PAMR1: variants seen among roughly 807,000 people sequenced by gnomAD.
PAMR1 encodes inactive serine protease PAMR1.
A neutral mutation model predicts 81.8 loss-of-function variants in PAMR1; 88 were observed. The ratio of observed to expected loss-of-function variants is 1.08; its 90% CI spans 0.91 to 1.28. The LOEUF is 1.28. Ranked by LOEUF, PAMR1 falls within the 50% of genes most tolerant of loss-of-function variation. PAMR1 has a pLI of 0.00. For missense variants in PAMR1, 935 were observed against 919.7 expected, an observed-to-expected ratio of 1.02 and a Z score of -0.21; for synonymous variants, 336 against 345.3, an observed-to-expected ratio of 0.97 and a Z score of 0.30.
chr11:35,468,018 C>T lies in PAMR1; in HGVS notation c.803G>A (p.Gly268Glu). ...YKCACLAGYT[G>E]QRCENLLEER... ...ATACTCACGATTTTCACAGCGCTGC[C>T]CAGTATAGCCTGCCAAGCAGGCACA... Residue 268 changes from glycine to glutamate, a missense_variant, in exon 6 of 11, where the codon GGG (glycine) becomes GAG (glutamate). Coordinates refer to ENST00000619888, the MANE Select transcript of PAMR1 (RefSeq NM_001001991.3). 6.4e-7 allele frequency: 1 copy of T among 1,559,936 alleles called. No homozygotes were observed.
chr11:35,498,771 C>A (rs1850774913), intron 1 of PAMR1, among the ~76,000 whole-genome samples: 1 of 152,204 alleles, frequency 6.6e-6, no homozygotes, highest in Non-Finnish European at 1.5e-5. Flanking sequence ...TGGGACTCCA[C>A]ATTTGCTTCT....
At chr11:35,519,070 G>A (rs1410234402) in intron 1 of PAMR1, among the ~76,000 whole-genome samples, 3 of 152,174 alleles carry the variant, frequency 2.0e-5, no homozygotes, top group Non-Finnish European at 4.4e-5. Context: ...CCAGACTGCA[G>A]AAATAAAGGC....
chr11:35,460,312 CTT>C (rs1054098077), intron 6 of PAMR1, among the ~76,000 whole-genome samples: 9 of 141,346 alleles, frequency 6.4e-5, no homozygotes, highest in African/African-American at 1.3e-4. Context: ...CCTCCTCTTT[CTT>C]TTTTTTTTTT....
rs1209300648 is a variant in PAMR1 at position 35,474,648 on chromosome 11, C to T, written c.476G>A (p.Gly159Glu). 5 of 1,599,926 alleles carry T rather than the reference C, an allele frequency of 3.1e-6. No individual in the cohort carries two copies. The Admixed American group carries it at 8.7e-5, about 28-fold the overall frequency. The change falls in exon 4 of 11, where the codon GGG becomes GAG. Residue 159 changes from glycine to glutamate, a missense_variant. Coordinates refer to ENST00000619888, the MANE Select transcript of PAMR1 (RefSeq NM_001001991.3). ...HCEWTIHAKP[G>E]FVIQLRFVML... ...TCCTTACCTTAGTTGGATGACAAAC[C>T]CAGGTTTAGCATGAATGGTCCATTC...
Position 35,435,906 on chromosome 11 carries a change from G to A in PAMR1, c.1330C>T (p.Pro444Ser), listed in dbSNP as rs760147353. ...CCAAGAATGAGCCTTGACTCACTAG[G>A]GATGCAGGATGGTGCCCGCCCACTC... ...KWSGRAPSCI[P>S]ICGKIENITA... The change falls in exon 9 of 11, where the codon CCT becomes TCT. Residue 444 changes from proline to serine, a missense_variant. Transcript: ENST00000619888. 3.7e-6 allele frequency: 6 copies of A among 1,610,176 alleles called. No individual in the cohort carries two copies. Among genetic ancestry groups the A allele is most frequent in the Non-Finnish European group, 5.1e-6 (6 of 1,176,566 alleles).
chr11:35,455,196 A>G (rs1292071044), intron 6 of PAMR1, among the ~76,000 whole-genome samples: 2 of 152,260 alleles, frequency 1.3e-5, no homozygotes, highest in Admixed American at 6.5e-5. Context: ...TAGGAAGTGG[A>G]CATGATGATA....
intron 1 of PAMR1, among the ~76,000 whole-genome samples, chr11:35,509,205 C>A: frequency 6.6e-6 from 1 of 152,142 alleles, no homozygotes; most frequent in East Asian, 1.9e-4. Context: ...TGAGTAGAGA[C>A]AGAAAAGTAC....
chr11:35,521,813 C>G (rs1435362981), intron 1 of PAMR1, among the ~76,000 whole-genome samples: 1 of 152,152 alleles, frequency 6.6e-6, no homozygotes, highest in Non-Finnish European at 1.5e-5. Context: ...ACAGCCTGAG[C>G]TCACCCTGGG....
intron 10 of PAMR1, among the ~76,000 whole-genome samples, 157 bp from the exon 11 acceptor site, chr11:35,433,049 C>T (rs1264360829): frequency 6.6e-6 from 1 of 152,184 alleles, no homozygotes; most frequent in Non-Finnish European, 1.5e-5. Context: ...AAAACAACTA[C>T]TCTACTTCCA....
chr11:35,500,240 C>T (rs1177802365), intron 1 of PAMR1, among the ~76,000 whole-genome samples: 2 of 152,186 alleles, frequency 1.3e-5, no homozygotes, highest in African/African-American at 2.4e-5. Context: ...AGGGGACTAA[C>T]ATACTGGGAC....
intron 1 of PAMR1, among the ~76,000 whole-genome samples, chr11:35,496,281 T>TA (rs910664240): frequency 6.6e-5 from 10 of 152,104 alleles, no homozygotes; most frequent in Admixed American, 5.2e-4. Flanking sequence ...TTATCAAAAT[T>TA]AAAAATGTTT....
chr11:35,507,612 G>A (rs1017001530), intron 1 of PAMR1, among the ~76,000 whole-genome samples: 1 of 152,022 alleles, frequency 6.6e-6, no homozygotes, highest in Non-Finnish European at 1.5e-5. Flanking sequence ...ATCTCATTAG[G>A]GTCAGTCACT....
Position 35,432,675 on chromosome 11 carries a change from T to A in PAMR1, c.1844A>T (p.Asp615Val). 6.2e-7 allele frequency: 1 copy of A among 1,613,466 alleles called. No homozygotes were observed. ...ACTGACCACCCCAGAGCGCAGTGTG[T>A]CGTTCTTGAAGCCAGGGCTCCTCAC... ...ADVRSPGFKN[D>V]TLRSGVVSVV... The change falls in exon 11 of 11, where the codon GAC (aspartate) becomes GTC (valine). Residue 615 changes from aspartate to valine, a missense_variant. Physicochemically the swap from Asp to Val is radical, Grantham distance 152 (BLOSUM62 -3). Transcript: ENST00000619888.
At chr11:35,445,436 C>T in intron 6 of PAMR1, among the ~76,000 whole-genome samples, 1 of 152,182 alleles carries the variant, frequency 6.6e-6, no homozygotes, top group East Asian at 1.9e-4. Flanking sequence ...GATGGGAATG[C>T]TTCCAGCTTT....
intron 7 of PAMR1, among the ~76,000 whole-genome samples, chr11:35,441,031 A>T (rs1019122106): frequency 6.6e-6 from 1 of 152,190 alleles, no homozygotes; most frequent in Non-Finnish European, 1.5e-5. Flanking sequence ...CTTTGTTTTT[A>T]AACATCTTAA....
At chr11:35,458,651 A>C (rs1856585368) in intron 6 of PAMR1, among the ~76,000 whole-genome samples, 1 of 152,154 alleles carries the variant, frequency 6.6e-6, no homozygotes, top group East Asian at 1.9e-4. Flanking sequence ...AGGGATGGAG[A>C]GATGTTTGTC....
At chr11:35,517,915 G>A (rs1266540300) in intron 1 of PAMR1, among the ~76,000 whole-genome samples, 2 of 152,206 alleles carry the variant, frequency 1.3e-5, no homozygotes, top group South Asian at 2.1e-4. Flanking sequence ...CAAGTGTAAA[G>A]GCTATTTGTG....
At position 35,432,490 on chromosome 11, in the gene PAMR1, C is replaced by G; in HGVS notation, c.2029G>C (p.Ala677Pro). The G allele has an allele frequency of 6.2e-7, 1 of 1,614,222 alleles. No homozygotes were observed. The highest frequency in any genetic ancestry group is 8.5e-7 in the Non-Finnish European group (1 of 1,180,046). Reference protein sequence around the residue: ...GIAAVSFPGRASPEPRWHLMG... With the variant: ...GIAAVSFPGRPSPEPRWHLMG... The stretch of plus-strand genomic sequence containing the variant: ...AGATGCCAGCGTGGCTCAGGAGATG[C>G]TCGTCCCGGGAAGGACACAGCCGCG... The change falls in exon 11 of 11, where the codon GCA becomes CCA. Residue 677 changes from alanine to proline, a missense_variant. Ala to Pro is a conservative substitution (Grantham distance 27, BLOSUM62 -1). Coordinates refer to ENST00000619888, the MANE Select transcript of PAMR1 (RefSeq NM_001001991.3).
intron 2 of PAMR1, 46 bp from the exon 3 acceptor site, chr11:35,492,219 A>T (rs780047287): frequency 4.4e-6 from 7 of 1,606,840 alleles, no homozygotes; most frequent in Non-Finnish European, 4.3e-6. Flanking sequence ...AGCACCTGCG[A>T]GTTCTGATCA....
Sources: allele counts gnomAD v4.1 joint callset (sites outside exome capture counted in the v4.1 genomes callset), GRCh38; gene constraint gnomAD v4.1.1; transcripts MANE v1.5; gene names NCBI Gene and HGNC (gene_info 2026-07-23, HGNC 2026-07-21).